Variants in GPR39 observed in about 807,000 individuals in gnomAD.
GPR39 encodes the protein zinc sensing receptor.
A neutral mutation model predicts 18.4 loss-of-function variants in GPR39; 23 were observed. The observed-to-expected ratio is 1.25, with a 90% CI of 0.90 to 1.77. GPR39 has a LOEUF of 1.77. Among genes scored for constraint, GPR39 ranks in the 40% most tolerant of loss-of-function variants. The pLI is 0.00. For synonymous variants in GPR39, 280 were observed against 257.9 expected (o/e 1.09, Z -0.82); for missense variants, 647 against 602.4 (o/e 1.07, Z -0.78).
intron 1 of GPR39, among the ~76,000 whole-genome samples, chr2:132,468,111 T>G (rs115000376): frequency 0.016 from 2,383 of 152,304 alleles, 44 homozygotes; most frequent in Middle Eastern, 0.044. Flanking sequence ...GGAAATTCTT[T>G]TTTTTTCTGC....
Position 132,646,296 on chromosome 2 carries a change from A to C in GPR39, c.*690A>C. 2.8e-6 allele frequency: 4 copies of C among 1,438,106 alleles called. No individual in the cohort carries two copies. Among genetic ancestry groups the C allele is most frequent in the Non-Finnish European group, 3.7e-6 (4 of 1,085,408 alleles). 89.1% of individuals were successfully genotyped at this position (1,438,106 alleles called of 1,614,324 possible). On this transcript the variant is annotated 3_prime_UTR_variant, in exon 2 of 2. Transcript: ENST00000329321. Reference sequence around the variant, plus strand: ...TACATGATCCCTGTAACACAGACCCAAAGGAGCTGAGTTAACGTGCACCGG... The same window carrying C: ...TACATGATCCCTGTAACACAGACCCCAAGGAGCTGAGTTAACGTGCACCGG...
At chr2:132,590,253 TATCAA>T (rs1417132869) in intron 1 of GPR39, among the ~76,000 whole-genome samples, 1 of 152,188 alleles carries the variant, frequency 6.6e-6, no homozygotes, top group Admixed American at 6.5e-5. Context: ...GTTTGTTTCT[TATCAA>T]ATCAAGAAGA....
At chr2:132,457,697 A>C (rs1199666967) in intron 1 of GPR39, among the ~76,000 whole-genome samples, 5 of 152,234 alleles carry the variant, frequency 3.3e-5, no homozygotes, top group African/African-American at 1.2e-4. Context: ...AAGTCTGCAG[A>C]AGTTGTCTGC....
At chr2:132,617,489 T>C (rs1227593722) in intron 1 of GPR39, among the ~76,000 whole-genome samples, 2 of 152,200 alleles carry the variant, frequency 1.3e-5, no homozygotes, top group African/African-American at 4.8e-5. Flanking sequence ...TTGATTTACA[T>C]TTCTTTCATA....
intron 1 of GPR39, among the ~76,000 whole-genome samples, chr2:132,534,777 G>A (rs1234310889): frequency 6.6e-6 from 1 of 151,954 alleles, no homozygotes; most frequent in Non-Finnish European, 1.5e-5. Context: ...CTCATAGGTG[G>A]GAATTGAACA....
At position 132,646,098 on chromosome 2, in the gene GPR39, G is replaced by A; in HGVS notation, c.*492G>A. 6.2e-7 allele frequency: 1 copy of A among 1,607,396 alleles called. No individual in the cohort carries two copies. Among genetic ancestry groups the A allele is most frequent in the Non-Finnish European group, 8.5e-7 (1 of 1,176,396 alleles). ...TTGAGGAACAGGATGGTGGTGCGGA[G>A]CCCTGGCCTGAGGGCCGAGGCAGAA... On this transcript the variant is annotated 3_prime_UTR_variant, in exon 2 of 2. Transcript: ENST00000329321.
intron 1 of GPR39, among the ~76,000 whole-genome samples, chr2:132,513,609 A>T (rs996324569): frequency 1.3e-5 from 2 of 152,160 alleles, no homozygotes; most frequent in Non-Finnish European, 2.9e-5. Context: ...CTGTTTTGTT[A>T]TTTTCGCTTT....
chr2:132,548,885 AC>A (rs1679992715), intron 1 of GPR39, among the ~76,000 whole-genome samples: 1 of 152,356 alleles, frequency 6.6e-6, no homozygotes, highest in Non-Finnish European at 1.5e-5. Context: ...GACTGCCTAT[AC>A]ATTCACATTG....
intron 1 of GPR39, among the ~76,000 whole-genome samples, chr2:132,435,099 A>G (rs756134975): frequency 6.6e-6 from 1 of 152,172 alleles, no homozygotes; most frequent in Non-Finnish European, 1.5e-5. Context: ...AGACACAGAC[A>G]CTGAAAGTAA....
At chr2:132,632,852 C>T (rs561373210) in intron 1 of GPR39, among the ~76,000 whole-genome samples, 1 of 152,124 alleles carries the variant, frequency 6.6e-6, no homozygotes, top group Non-Finnish European at 1.5e-5. Flanking sequence ...GTATGAGCTG[C>T]CATTGATCAC....
chr2:132,527,614 CTT>C (rs1679537128), intron 1 of GPR39, among the ~76,000 whole-genome samples: 1 of 152,174 alleles, frequency 6.6e-6, no homozygotes, highest in Admixed American at 6.5e-5. Flanking sequence ...TGTTTCTTGA[CTT>C]TTTAATAATC....
At chr2:132,512,227 G>T (rs1679254443) in intron 1 of GPR39, among the ~76,000 whole-genome samples, 1 of 152,142 alleles carries the variant, frequency 6.6e-6, no homozygotes, top group African/African-American at 2.4e-5. Flanking sequence ...TAAACCTAAG[G>T]CGTATGGATT....
chr2:132,620,217 A>T (rs1253897331), intron 1 of GPR39, among the ~76,000 whole-genome samples: 1 of 152,144 alleles, frequency 6.6e-6, no homozygotes, highest in Non-Finnish European at 1.5e-5. Flanking sequence ...ATAAATACCC[A>T]GGCAGTTCCC....
At chr2:132,543,828 A>G (rs1679898503) in intron 1 of GPR39, among the ~76,000 whole-genome samples, 1 of 152,198 alleles carries the variant, frequency 6.6e-6, no homozygotes, top group Non-Finnish European at 1.5e-5. Flanking sequence ...ATTGCAGGGC[A>G]CCAAGGGAGG....
chr2:132,630,969 G>C (rs1048552832), intron 1 of GPR39, among the ~76,000 whole-genome samples: 1 of 152,164 alleles, frequency 6.6e-6, no homozygotes, highest in Non-Finnish European at 1.5e-5. Flanking sequence ...GTGATGTTGA[G>C]TAAGTAGTTG....
intron 1 of GPR39, among the ~76,000 whole-genome samples, chr2:132,504,092 C>A (rs1370669138): frequency 6.6e-6 from 1 of 152,194 alleles, no homozygotes; most frequent in Non-Finnish European, 1.5e-5. Flanking sequence ...AATCCAGTTT[C>A]TTCAAAGCAT....
chr2:132,442,106 T>A (rs1002275829), intron 1 of GPR39, among the ~76,000 whole-genome samples: 1 of 152,186 alleles, frequency 6.6e-6, no homozygotes, highest in African/African-American at 2.4e-5. Context: ...GGAGACCCAA[T>A]TTTACCCTGT....
At chr2:132,526,484 A>G (rs889909286) in intron 1 of GPR39, among the ~76,000 whole-genome samples, 2 of 152,170 alleles carry the variant, frequency 1.3e-5, no homozygotes, top group South Asian at 2.1e-4. Context: ...GCCAAACCCT[A>G]GTGGGATCTT....
At chr2:132,463,131 G>A (rs1431619522) in intron 1 of GPR39, among the ~76,000 whole-genome samples, 2 of 152,226 alleles carry the variant, frequency 1.3e-5, no homozygotes, top group Non-Finnish European at 2.9e-5. Context: ...AAACTGACAA[G>A]CACCTTAGGA....
Sources: gnomAD v4.1 joint callset for allele counts (sites outside exome capture counted in the v4.1 genomes callset) on GRCh38, gnomAD v4.1.1 for gene constraint, MANE v1.5 for transcripts, NCBI Gene and HGNC (gene_info 2026-07-23, HGNC 2026-07-21) for gene names.